Variants in ANKDD1A observed in about 807,000 individuals in gnomAD.
ANKDD1A encodes the protein ankyrin repeat and death domain-containing protein 1A.
Under a neutral mutation model 63.5 loss-of-function variants are expected in ANKDD1A, and 59 were observed. That is an observed-to-expected ratio of 0.93 (90% CI 0.75 to 1.15). ANKDD1A has a LOEUF of 1.15. ANKDD1A is among the 50% of genes most tolerant of loss of function. The pLI, the probability that ANKDD1A is intolerant of heterozygous loss-of-function variation, is 0.00. For missense variants in ANKDD1A, 632 were observed against 656.4 expected (o/e 0.96, Z 0.41); for synonymous variants, 266 against 263.9 (o/e 1.01, Z -0.08).
intron 10 of ANKDD1A, 95 bp downstream of exon 10, chr15:64,942,660 G>T: frequency 6.7e-5 from 47 of 698,630 alleles, no homozygotes; most frequent in Non-Finnish European, 9.0e-5. Context: ...ATGGCCCAGA[G>T]TTGAGGAATC....
chr15:64,917,358 C>T (rs1242883416), intron 2 of ANKDD1A, 28 bp from the exon 3 acceptor site: 3 of 1,581,930 alleles, frequency 1.9e-6, no homozygotes, highest in Non-Finnish European at 2.6e-6. Flanking sequence ...GCAGCAGCAC[C>T]TGACAAGTGT....
intron 14 of ANKDD1A, among the ~76,000 whole-genome samples, chr15:64,952,719 TTTC>T (rs1208774214): frequency 3.3e-4 from 49 of 147,270 alleles, no homozygotes; most frequent in South Asian, 1.9e-3. Context: ...TCCTTTCTTC[TTTC>T]TTCTTCTCCT....
At position 64,942,584 on chromosome 15, in the gene ANKDD1A, C is replaced by A. The variant is rs775981349; in HGVS notation, c.966+19C>A. On this transcript the variant is annotated intron_variant, in intron 10 of 14. Transcript: ENST00000319580. The stretch of plus-strand genomic sequence containing the variant: ...GGACAATGTAAGTGGCTACAGAGAC[C>A]TTCCGGGCCCCAGGGAGCTTCTGGA... 4 of 1,601,224 alleles carry A rather than the reference C, an allele frequency of 2.5e-6. No individual in the cohort carries two copies. In the South Asian group the frequency reaches 4.5e-5, roughly 18 times the overall value.
rs771575834 is a variant in ANKDD1A at position 64,917,462 on chromosome 15, C to G, written c.215C>G (p.Ala72Gly). 6.2e-7 allele frequency: 1 copy of G among 1,604,786 alleles called. No homozygotes were observed. The highest frequency in any genetic ancestry group is 2.2e-5 in the East Asian group (1 of 44,526). Residue 72 changes from alanine (A) to glycine (G), a missense_variant, in exon 3 of 15, where the codon GCT (alanine) becomes GGT (glycine). By Grantham distance (60) the Ala-to-Gly change is moderately conservative. Coordinates refer to ENST00000319580, the MANE Select transcript of ANKDD1A (RefSeq NM_182703.6). The stretch of plus-strand genomic sequence containing the variant: ...GTGCGTCTGCTTCTGGAGCACGAGG[C>G]TGCTGTGGACGAGGAGGATGCGGTA... The part of the protein sequence containing the change: ...QAVRLLLEHE[A>G]AVDEEDAVGA...
chr15:64,952,702 GTTCTTCTCCTTTCTTCTTTC>G (rs1248594851), intron 14 of ANKDD1A, among the ~76,000 whole-genome samples: 45 of 102,358 alleles, frequency 4.4e-4, no homozygotes, highest in African/African-American at 1.6e-3. Context: ...TTTCTTCTTA[GTTCTTCTCCTTTCTTCTTTC>G]TTCTTCTCCT....
chr15:64,941,507 C>A (rs2085184491), intron 9 of ANKDD1A, among the ~76,000 whole-genome samples: 1 of 152,150 alleles, frequency 6.6e-6, no homozygotes, highest in Non-Finnish European at 1.5e-5. Flanking sequence ...TATACAATTA[C>A]ATGTCTACAA....
intron 14 of ANKDD1A, among the ~76,000 whole-genome samples, chr15:64,953,031 T>C (rs1484693414): frequency 4.6e-5 from 4 of 87,328 alleles, no homozygotes; most frequent in African/African-American, 1.5e-4. Flanking sequence ...TTCTCCTCCT[T>C]CTTCCTTTCT....
chr15:64,940,351 G>A (rs1428625659), intron 9 of ANKDD1A, among the ~76,000 whole-genome samples: 9 of 152,024 alleles, frequency 5.9e-5, no homozygotes. Flanking sequence ...AGAGCTTTAG[G>A]TAAGAGGATC....
intron 9 of ANKDD1A, among the ~76,000 whole-genome samples, chr15:64,940,441 TA>T (rs2085172979): frequency 1.3e-5 from 2 of 148,638 alleles, no homozygotes; most frequent in South Asian, 2.1e-4. Context: ...GATATATAGA[TA>T]TTTTTTTTGA....
intron 9 of ANKDD1A, 59 bp from the exon 10 acceptor site, chr15:64,942,408 C>T: frequency 3.0e-6 from 4 of 1,350,140 alleles, no homozygotes. Flanking sequence ...CAGCACCAGC[C>T]TGCAGCTGGG....
Position 64,947,387 on chromosome 15 carries a change from TG to T in ANKDD1A, c.1162-14del. 1.9e-6 allele frequency: 3 copies of T among 1,605,958 alleles called. No homozygotes were observed. The highest frequency in any genetic ancestry group is 2.6e-6 in the Non-Finnish European group (3 of 1,173,780). ...TCATGAGGGAGAGCTTCTGCACTTT[TG>T]GGATCTGCCCCACAGGACCACCCCA... On this transcript the variant is annotated splice_polypyrimidine_tract_variant and intron_variant, in intron 12 of 14. Coordinates refer to ENST00000319580, the MANE Select transcript of ANKDD1A (RefSeq NM_182703.6).
At chr15:64,944,213 G>A (rs2085206646) in intron 11 of ANKDD1A, among the ~76,000 whole-genome samples, 1 of 152,216 alleles carries the variant, frequency 6.6e-6, no homozygotes, top group South Asian at 2.1e-4. Flanking sequence ...TCTCACTGCA[G>A]GTCTGTGGAG....
intron 9 of ANKDD1A, among the ~76,000 whole-genome samples, chr15:64,938,417 C>CT (rs1189440754): frequency 3.3e-5 from 5 of 152,188 alleles, no homozygotes; most frequent in Admixed American, 3.3e-4. Flanking sequence ...GAAAATGATA[C>CT]TTTATCTCTG....
intron 3 of ANKDD1A, 36 bp from the exon 4 acceptor site, chr15:64,921,885 A>C: frequency 6.3e-7 from 1 of 1,598,904 alleles, no homozygotes; most frequent in South Asian, 1.1e-5. Context: ...ACGCCTTCCC[A>C]CATTCTTCTC....
At position 64,947,601 on chromosome 15, in the gene ANKDD1A, C is replaced by T. The variant is rs778921901; in HGVS notation, c.1351+8C>T. On this transcript the variant is annotated splice_region_variant and intron_variant, in intron 13 of 14. Transcript: ENST00000319580. The stretch of plus-strand genomic sequence containing the variant: ...TCGAGCAACAGTGGACAGGTACCAC[C>T]TTGCCTCTCCTCGCCCTAAGCAACC... 4 of 1,612,948 alleles carry T rather than the reference C, an allele frequency of 2.5e-6. No homozygotes were observed. The South Asian group carries it at 3.3e-5, about 13-fold the overall frequency.
chr15:64,927,125 TGA>T (rs1257388032), intron 6 of ANKDD1A, 126 bp downstream of exon 6: 3 of 930,194 alleles, frequency 3.2e-6, no homozygotes, highest in Non-Finnish European at 5.0e-6. Flanking sequence ...GGCCCAAAGA[TGA>T]GAGTGTATTT....
At chr15:64,951,243 T>C in intron 14 of ANKDD1A, 1 of 986,956 alleles carries the variant, frequency 1.0e-6, no homozygotes, top group South Asian at 4.6e-5. Flanking sequence ...GGTATGGTCC[T>C]TTTGAGCTCT....
At chr15:64,945,895 G>T (rs2140381330) in intron 12 of ANKDD1A, among the ~76,000 whole-genome samples, 1 of 151,686 alleles carries the variant, frequency 6.6e-6, no homozygotes, top group South Asian at 2.1e-4. Context: ...GCCTCCCAAA[G>T]TGCTGGGATT....
chr15:64,923,951 A>T (rs925634632), intron 4 of ANKDD1A, among the ~76,000 whole-genome samples: 1 of 152,234 alleles, frequency 6.6e-6, no homozygotes, highest in Non-Finnish European at 1.5e-5. Context: ...AGTTAAGCAG[A>T]TCCCCTCTAT....
Sources: allele counts gnomAD v4.1 joint callset (sites outside exome capture counted in the v4.1 genomes callset), GRCh38; gene constraint gnomAD v4.1.1; transcripts MANE v1.5; gene names NCBI Gene and HGNC (gene_info 2026-07-23, HGNC 2026-07-21).